The following C6orf132 variants were observed in gnomAD, a reference collection of about 807,000 sequenced individuals.
C6orf132 encodes chromosome 6 open reading frame 132, also known as uncharacterized protein C6orf132.
A neutral mutation model predicts 65.3 loss-of-function variants in C6orf132; 43 were observed. That is an observed-to-expected ratio of 0.66 (90% CI 0.52 to 0.85). The LOEUF is 0.85. Ranked by LOEUF, C6orf132 falls within the 40% of genes least tolerant of loss-of-function variation. C6orf132 has a pLI of 0.00. For missense variants in C6orf132, 1,488 were observed against 1,548.8 expected, an observed-to-expected ratio of 0.96 and a Z score of 0.66; for synonymous variants, 631 against 654.1, an observed-to-expected ratio of 0.96 and a Z score of 0.54.
intron 2 of C6orf132, among the ~76,000 whole-genome samples, chr6:42,114,742 C>G (rs139553117): frequency 6.6e-6 from 1 of 152,154 alleles, no homozygotes; most frequent in Admixed American, 6.5e-5. Context: ...CAGTGGCTCA[C>G]GCTTGTAATC....
At chr6:42,122,257 G>GCT (rs34687738) in intron 2 of C6orf132, among the ~76,000 whole-genome samples, 19,077 of 152,046 alleles carry the variant, frequency 0.13, 1,481 homozygotes, top group South Asian at 0.22. Context: ...GCCCAGGTCT[G>GCT]CTCTCTCTCT....
At chr6:42,128,207 G>A (rs1001766095) in intron 2 of C6orf132, among the ~76,000 whole-genome samples, 2 of 151,906 alleles carry the variant, frequency 1.3e-5, no homozygotes, top group Non-Finnish European at 2.9e-5. Context: ...TTACAGGCGT[G>A]AGCCACCGCA....
chr6:42,112,804 C>T (rs1766514428), intron 2 of C6orf132, among the ~76,000 whole-genome samples: 1 of 152,156 alleles, frequency 6.6e-6, no homozygotes, highest in Non-Finnish European at 1.5e-5. Context: ...ATGGTACTAA[C>T]CCTCTGGACT....
chr6:42,105,786 TTC>T lies in C6orf132; in HGVS notation c.2124_2125del (p.Lys709GlyfsTer33). ...TGGCTGGCCAGCTGGGCCTGAGTCCTTCTCTGCCATCAGTTGGGATGTGGTGG... is the reference window on the plus strand; with the variant it reads ...TGGCTGGCCAGCTGGGCCTGAGTCCTTCTGCCATCAGTTGGGATGTGGTGG... On this transcript the variant is annotated frameshift_variant, in exon 4 of 5. Transcript: ENST00000341865. LOFTEE classifies it high-confidence loss of function. 1 of 1,537,306 alleles carries T rather than the reference TTC, an allele frequency of 6.5e-7. No homozygotes were observed. The highest frequency in any genetic ancestry group is 8.7e-7 in the Non-Finnish European group (1 of 1,146,920).
chr6:42,119,221 C>T (rs558336367), intron 2 of C6orf132, among the ~76,000 whole-genome samples: 21 of 128,914 alleles, frequency 1.6e-4, no homozygotes, highest in African/African-American at 5.4e-4. Flanking sequence ...GTCACTCCAG[C>T]CTGGGCACAA....
In C6orf132 at chr6:42,112,538, G is replaced by A. The variant is rs9349219; in HGVS notation, c.253-2247C>T. Among the ~76,000 whole-genome samples the A allele has an allele frequency of 8.5e-5, 13 of 152,306 alleles. No individual in the cohort carries two copies. The East Asian group carries it at 2.3e-3, about 27-fold the overall frequency. The stretch of plus-strand genomic sequence containing the variant: ...ATAACAATACAATTACCCATAGTAG[G>A]GAAGCTGTGAGGACTAAATGATGCA... On this transcript the variant is annotated intron_variant, in intron 2 of 4. Coordinates refer to ENST00000341865, the MANE Select transcript of C6orf132 (RefSeq NM_001164446.3).
chr6:42,129,049 G>C (rs144145592), intron 1 of C6orf132, among the ~76,000 whole-genome samples: 2 of 152,352 alleles, frequency 1.3e-5, no homozygotes, highest in East Asian at 3.9e-4. Flanking sequence ...TAACCACCAC[G>C]CTGTACCGTC....
chr6:42,102,048 T>C lies in C6orf132; in HGVS notation c.*1713A>G, dbSNP rs1005852375. On this transcript the variant is annotated 3_prime_UTR_variant, in exon 5 of 5. Transcript: ENST00000341865. ...AATTTGGCCCACCAGTACCTGAAGA[T>C]AGGGAAGCAAGACCAAGGAATATTG... The C allele has an allele frequency of 1.3e-5, 2 of 152,170 alleles. No individual in the cohort carries two copies. Among genetic ancestry groups the C allele is most frequent in the African/African-American group, 2.4e-5 (1 of 41,402 alleles). The allele number at this position is 152,170 out of a possible 1,614,324, so 9.4% of individuals were successfully genotyped here. A position where few individuals can be genotyped will look rare whatever the true frequency, so the allele number is the denominator to read the frequency against.
chr6:42,137,982 C>T (rs1013667100), intron 1 of C6orf132, among the ~76,000 whole-genome samples: 11 of 152,248 alleles, frequency 7.2e-5, no homozygotes, highest in East Asian at 1.9e-4. Flanking sequence ...CGCTTGAACC[C>T]GGGAGGTAGA....
chr6:42,112,155 C>G (rs774809919), intron 2 of C6orf132, among the ~76,000 whole-genome samples: 12 of 152,198 alleles, frequency 7.9e-5, no homozygotes, highest in Non-Finnish European at 1.3e-4. Context: ...TGTGCTCTAA[C>G]TAAACACATT....
At position 42,103,674 on chromosome 6, in the gene C6orf132, C is replaced by G. The variant is rs2127472451; in HGVS notation, c.*87G>C. 1 of 844,890 alleles carries G rather than the reference C, an allele frequency of 1.2e-6. No homozygotes were observed. The highest frequency in any genetic ancestry group is 3.3e-5 in the East Asian group (1 of 30,018). The allele number at this position is 844,890 out of a possible 1,614,324, so 52.3% of individuals were successfully genotyped here. On this transcript the variant is annotated 3_prime_UTR_variant, in exon 5 of 5. Coordinates refer to ENST00000341865, the MANE Select transcript of C6orf132 (RefSeq NM_001164446.3). ...TCTGAGTCAGGTCGCCCAACACCTG[C>G]TGTGTACCTCCCACCCCCCACAAGA...
intron 1 of C6orf132, among the ~76,000 whole-genome samples, chr6:42,131,495 A>C (rs889946533): frequency 3.3e-5 from 5 of 152,246 alleles, no homozygotes; most frequent in African/African-American, 1.2e-4. Context: ...GTAAGTGTTG[A>C]AGCCAGGGTC....
chr6:42,132,865 AAAAGAAAAGAAAAG>A (rs1316292348), intron 1 of C6orf132, among the ~76,000 whole-genome samples: 1 of 138,178 alleles, frequency 7.2e-6, no homozygotes, highest in Non-Finnish European at 1.5e-5. Context: ...TCAAAAAAAA[AAAAGAAAAGAAAAG>A]AAAAGAAAAG....
At chr6:42,118,715 G>T (rs1035003379) in intron 2 of C6orf132, among the ~76,000 whole-genome samples, 3 of 152,044 alleles carry the variant, frequency 2.0e-5, no homozygotes, top group Non-Finnish European at 4.4e-5. Flanking sequence ...TCCAGCCCTG[G>T]CTCTACCAGC....
Position 42,103,321 on chromosome 6 carries a change from C to T in C6orf132, c.*440G>A. 1 of 397,648 alleles carries T rather than the reference C, an allele frequency of 2.5e-6. No homozygotes were observed. The highest frequency in any genetic ancestry group is 4.4e-6 in the Non-Finnish European group (1 of 225,992). The allele number at this position is 397,648 out of a possible 1,614,324, so 24.6% of individuals were successfully genotyped here. ...CACCAGACAGAGCTGGGCCTCAGCCCTTTGCAAGGGCCTGACAGGCAATCA... is the reference window on the plus strand; with the variant it reads ...CACCAGACAGAGCTGGGCCTCAGCCTTTTGCAAGGGCCTGACAGGCAATCA... On this transcript the variant is annotated 3_prime_UTR_variant, in exon 5 of 5. Transcript: ENST00000341865.
intron 1 of C6orf132, among the ~76,000 whole-genome samples, 196 bp from the exon 2 acceptor site, chr6:42,128,974 G>C (rs1269118365): frequency 1.3e-5 from 2 of 152,178 alleles, no homozygotes; most frequent in Admixed American, 6.5e-5. Flanking sequence ...CTGAGGTGGC[G>C]CTGGGTGAGG....
rs1022630455 is a variant in C6orf132 at position 42,106,386 on chromosome 6, AGGCGGG to A, written c.1520_1525del (p.Pro507_Arg508del). 4 of 1,536,010 alleles carry A rather than the reference AGGCGGG, an allele frequency of 2.6e-6. No homozygotes were observed. The stretch of plus-strand genomic sequence containing the variant: ...GCTCAGGAGAGTCTCCTTCTCAGGC[AGGCGGG>A]GGCCCTTCTTGCCCTCCTTGCTCTG... On this transcript the variant is annotated inframe_deletion, in exon 4 of 5. Coordinates refer to ENST00000341865, the MANE Select transcript of C6orf132 (RefSeq NM_001164446.3).
chr6:42,102,874 T>C lies in C6orf132; in HGVS notation c.*887A>G. Reference sequence around the variant, plus strand: ...AGTATCAGTGTTAGGAAAAATGCCTTCTCCAAATCCCATATGAGACCTGGC... The same window carrying C: ...AGTATCAGTGTTAGGAAAAATGCCTCCTCCAAATCCCATATGAGACCTGGC... On this transcript the variant is annotated 3_prime_UTR_variant, in exon 5 of 5. Coordinates refer to ENST00000341865, the MANE Select transcript of C6orf132 (RefSeq NM_001164446.3). 7.6e-6 allele frequency: 3 copies of C among 395,024 alleles called. No homozygotes were observed. The highest frequency in any genetic ancestry group is 1.3e-5 in the Non-Finnish European group (3 of 224,352). The allele number at this position is 395,024 out of a possible 1,614,324, so 24.5% of individuals were successfully genotyped here. A position where few individuals can be genotyped will look rare whatever the true frequency, so the allele number is the denominator to read the frequency against.
In C6orf132 at chr6:42,105,333, C is replaced by G. The variant is rs1244999113; in HGVS notation, c.2579G>C (p.Gly860Ala). 2.6e-6 allele frequency: 4 copies of G among 1,536,768 alleles called. No homozygotes were observed. In the African/African-American group the frequency reaches 5.5e-5, roughly 21 times the overall value. Residue 860 changes from glycine (G) to alanine (A), a missense_variant, in exon 4 of 5, where the codon GGT (glycine) becomes GCT (alanine). Transcript: ENST00000341865. ...QKGRSVGAAL[G>A]RSSLPGSLRD... ...GAGACTTCCTGGCAGAGAGGACCGA[C>G]CCAGGGCAGCCCCTACAGACCTTCC... is the stretch of plus-strand genomic sequence containing the variant.
Sources: gnomAD v4.1 joint callset for allele counts (sites outside exome capture counted in the v4.1 genomes callset) on GRCh38, gnomAD v4.1.1 for gene constraint, MANE v1.5 for transcripts, NCBI Gene and HGNC (gene_info 2026-07-23, HGNC 2026-07-21) for gene names.